FGF7: variants seen among roughly 807,000 people sequenced by gnomAD.
FGF7 encodes the protein FGF-7.
In FGF7, 6 loss-of-function variants were observed where a neutral mutation model predicts 20.5. That is an observed-to-expected ratio of 0.29 (90% CI 0.16 to 0.58). The LOEUF is 0.58. FGF7 is among the 20% of genes least tolerant of loss of function. The pLI, the probability that FGF7 is intolerant of heterozygous loss-of-function variation, is 0.90. For missense variants in FGF7, 144 were observed against 228.8 expected (o/e 0.63, Z 2.39); for synonymous variants, 64 against 74.7 (o/e 0.86, Z 0.74).
chr15:49,437,174 A>G (rs1003478529), intron 2 of FGF7, among the ~76,000 whole-genome samples: 3 of 151,582 alleles, frequency 2.0e-5, no homozygotes, highest in Admixed American at 6.6e-5. Flanking sequence ...CATATATTAT[A>G]TATTAAATTG....
chr15:49,476,903 C>CA (rs1486648715), intron 2 of FGF7, among the ~76,000 whole-genome samples: 1 of 151,582 alleles, frequency 6.6e-6, no homozygotes, highest in Non-Finnish European at 1.5e-5. Flanking sequence ...ACTAAAAATA[C>CA]AAAAAAATTA....
chr15:49,464,829 C>A (rs1057312328), intron 2 of FGF7, among the ~76,000 whole-genome samples: 1 of 151,954 alleles, frequency 6.6e-6, no homozygotes, highest in Admixed American at 6.6e-5. Context: ...CCTTGCTTAG[C>A]GTTAATAAAA....
chr15:49,447,077 TG>T lies in FGF7; in HGVS notation c.286+22495del, dbSNP rs1174944214. Among the ~76,000 whole-genome samples the T allele has an allele frequency of 7.9e-5, 12 of 151,672 alleles. No individual in the cohort carries two copies. The East Asian group carries it at 2.3e-3, about 29-fold the overall frequency. ...ATTCTACTAACATTACCCTAAACAC[TG>T]AATAAAATCATGTTAAAGGTCAAAT... On this transcript the variant is annotated intron_variant, in intron 2 of 3. Transcript: ENST00000267843.
At chr15:49,483,291 A>C in intron 3 of FGF7, 37 bp downstream of exon 3, 2 of 1,086,556 alleles carry the variant, frequency 1.8e-6, no homozygotes, top group Non-Finnish European at 2.8e-6. Context: ...AATTTTTAAA[A>C]CTCATTTTTG....
At chr15:49,451,355 A>T (rs545276538) in intron 2 of FGF7, among the ~76,000 whole-genome samples, 11 of 152,172 alleles carry the variant, frequency 7.2e-5, no homozygotes, top group African/African-American at 2.6e-4. Flanking sequence ...TCATAATGAT[A>T]AAGTATTTTT....
intron 2 of FGF7, among the ~76,000 whole-genome samples, chr15:49,472,022 A>G (rs1349844515): frequency 0.038 from 2 of 52 alleles, no homozygotes; most frequent in African/African-American, 0.17. Context: ...TTAGAAGTGA[A>G]AAAAAAAAAA....
At position 49,423,418 on chromosome 15, in the gene FGF7, T is replaced by G. The variant is rs1309665970; in HGVS notation, c.-289T>G. The G allele has an allele frequency of 6.6e-6, 1 of 152,152 alleles. No homozygotes were observed. Among genetic ancestry groups the G allele is most frequent in the African/African-American group, 2.4e-5 (1 of 41,442 alleles). 9.4% of individuals were successfully genotyped at this position (152,152 alleles called of 1,614,324 possible). A position where few individuals can be genotyped will look rare whatever the true frequency, so the allele number is the denominator to read the frequency against. ...ACAACAGACATGGAATTCTTATATA[T>G]CCAGCTGTTAGCAACAAAACAAGTA... is the stretch of plus-strand genomic sequence containing the variant. On this transcript the variant is annotated 5_prime_UTR_variant, in exon 1 of 4. Transcript: ENST00000267843.
chr15:49,476,884 C>A (rs1023233248), intron 2 of FGF7, among the ~76,000 whole-genome samples: 1 of 151,910 alleles, frequency 6.6e-6, no homozygotes, highest in African/African-American at 2.4e-5. Flanking sequence ...ACGGTGAAAC[C>A]TCGTCTCTAC....
intron 2 of FGF7, among the ~76,000 whole-genome samples, chr15:49,456,168 C>A (rs10519230): frequency 6.6e-6 from 1 of 151,760 alleles, no homozygotes; most frequent in Non-Finnish European, 1.5e-5. Context: ...AGTTTTTTTC[C>A]AGATATGCTA....
At chr15:49,432,127 C>T (rs1027513481) in intron 2 of FGF7, among the ~76,000 whole-genome samples, 5 of 151,640 alleles carry the variant, frequency 3.3e-5, no homozygotes, top group African/African-American at 7.3e-5. Flanking sequence ...CCTCAAATAT[C>T]ACATTTGTTA....
At chr15:49,453,740 G>C (rs554756627) in intron 2 of FGF7, among the ~76,000 whole-genome samples, 1 of 152,102 alleles carries the variant, frequency 6.6e-6, no homozygotes, top group East Asian at 1.9e-4. Context: ...TTGAGCTCTT[G>C]TTACATGTAT....
rs920458465 is a variant in FGF7, at chr15:49,484,542, G to A, written c.*38G>A. 15 of 1,163,380 alleles carry A rather than the reference G, an allele frequency of 1.3e-5. No homozygotes were observed. Among genetic ancestry groups the A allele is most frequent in the Non-Finnish European group, 1.6e-5 (14 of 864,742 alleles). The allele number at this position is 1,163,380 out of a possible 1,614,324, so 72.1% of individuals were successfully genotyped here. A position where few individuals can be genotyped will look rare whatever the true frequency, so the allele number is the denominator to read the frequency against. On this transcript the variant is annotated 3_prime_UTR_variant, in exon 4 of 4. Transcript: ENST00000267843. ...TATAAAGAACCAGTTCCAGCAGGGA[G>A]ATTTCTTTAAGTGGACTGTTTTCTT...
intron 2 of FGF7, among the ~76,000 whole-genome samples, chr15:49,451,224 G>C (rs2052703060): frequency 6.6e-6 from 1 of 151,928 alleles, no homozygotes; most frequent in African/African-American, 2.4e-5. Context: ...TAACCAATTA[G>C]AGCTTGCCAA....
At chr15:49,480,644 G>T (rs1321820550) in intron 2 of FGF7, among the ~76,000 whole-genome samples, 3 of 152,058 alleles carry the variant, frequency 2.0e-5, no homozygotes, top group African/African-American at 7.2e-5. Context: ...ACCACACCCG[G>T]ATAATTTTTT....
chr15:49,479,174 C>T (rs529921542), intron 2 of FGF7, among the ~76,000 whole-genome samples: 3 of 152,272 alleles, frequency 2.0e-5, no homozygotes, highest in Admixed American at 6.5e-5. Flanking sequence ...GACAATATTG[C>T]TGACAAGGCT....
At chr15:49,475,988 C>A (rs2055226505) in intron 2 of FGF7, among the ~76,000 whole-genome samples, 1 of 152,148 alleles carries the variant, frequency 6.6e-6, no homozygotes, top group African/African-American at 2.4e-5. Flanking sequence ...ACTTCCTATT[C>A]CAGACATACA....
intron 2 of FGF7, among the ~76,000 whole-genome samples, chr15:49,457,581 T>A (rs185351848): frequency 1.3e-5 from 2 of 152,062 alleles, no homozygotes; most frequent in East Asian, 3.9e-4. Context: ...CTACTTCCAT[T>A]TCTCAAGAGG....
chr15:49,454,865 TC>T (rs1218017398), intron 2 of FGF7, among the ~76,000 whole-genome samples: 2 of 152,152 alleles, frequency 1.3e-5, no homozygotes, highest in African/African-American at 4.8e-5. Flanking sequence ...CGCCTCGGCC[TC>T]CCAAAGTGCT....
intron 2 of FGF7, among the ~76,000 whole-genome samples, chr15:49,464,439 T>C (rs903758351): frequency 2.0e-5 from 3 of 152,176 alleles, no homozygotes; most frequent in Non-Finnish European, 4.4e-5. Context: ...TATGTACGTG[T>C]AGTGAAAATT....
Sources: allele counts gnomAD v4.1 joint callset (sites outside exome capture counted in the v4.1 genomes callset), GRCh38; gene constraint gnomAD v4.1.1; transcripts MANE v1.5; gene names NCBI Gene and HGNC (gene_info 2026-07-23, HGNC 2026-07-21).